Variants in RANGAP1 observed in about 807,000 individuals in gnomAD.
The protein encoded by RANGAP1 is Ran GTPase activating protein 1.
RANGAP1 carries 38 observed loss-of-function variants against 63.5 expected under a neutral mutation model. That is an observed-to-expected ratio of 0.60 (90% CI 0.46 to 0.78). RANGAP1 has a LOEUF of 0.78. RANGAP1 is among the 30% of genes least tolerant of loss of function. The pLI, the probability that RANGAP1 is intolerant of heterozygous loss-of-function variation, is 0.00. For missense variants in RANGAP1, 630 were observed against 740.3 expected, an observed-to-expected ratio of 0.85 and a Z score of 1.73; for synonymous variants, 329 against 310.5, an observed-to-expected ratio of 1.06 and a Z score of -0.63.
At chr22:41,263,488 A>G (rs1366933034) in intron 5 of RANGAP1, among the ~76,000 whole-genome samples, 1 of 152,100 alleles carries the variant, frequency 6.6e-6, no homozygotes, top group Non-Finnish European at 1.5e-5. Flanking sequence ...GGGTTCGAGC[A>G]ATTCTCCTGC....
chr22:41,269,871 G>A (rs9680721), intron 3 of RANGAP1, among the ~76,000 whole-genome samples: 3 of 151,742 alleles, frequency 2.0e-5, no homozygotes, highest in Admixed American at 2.0e-4. Flanking sequence ...TCACCCTGTC[G>A]CACCCAGGCT....
the RANGAP1 span, among the ~76,000 whole-genome samples, chr22:41,294,390 C>T: frequency 6.6e-6 from 1 of 152,100 alleles, no homozygotes; most frequent in Non-Finnish European, 1.5e-5. Context: ...GTGGCGTGAT[C>T]TCGGCTCGCT....
At chr22:41,256,431 C>A in intron 8 of RANGAP1, 141 bp from the exon 9 acceptor site, 1 of 783,048 alleles carries the variant, frequency 1.3e-6, no homozygotes, top group South Asian at 1.8e-5. Context: ...AAGAATAACA[C>A]CAACAACAAA....
chr22:41,263,604 C>T (rs1019034158), intron 5 of RANGAP1, among the ~76,000 whole-genome samples: 14 of 152,212 alleles, frequency 9.2e-5, no homozygotes, highest in African/African-American at 3.1e-4. Flanking sequence ...AGGCTGGTCT[C>T]GAACGCCTGA....
Position 41,246,224 on chromosome 22 carries a change from C to A in RANGAP1, c.*379G>T. 5.0e-6 allele frequency: 1 copy of A among 201,796 alleles called. No individual in the cohort carries two copies. Among genetic ancestry groups the A allele is most frequent in the Non-Finnish European group, 1.0e-5 (1 of 97,790 alleles). The allele number at this position is 201,796 out of a possible 1,614,324, so 12.5% of individuals were successfully genotyped here. ...GGCAACTCCCTGGGTTCTGGCTCCG[C>A]CAGGGAGCCGGGCCGGAAGGCAGGT... is the stretch of plus-strand genomic sequence containing the variant. On this transcript the variant is annotated 3_prime_UTR_variant, in exon 16 of 16. Transcript: ENST00000356244.
At chr22:41,254,015 T>C (rs947213501) in intron 11 of RANGAP1, among the ~76,000 whole-genome samples, 1 of 149,304 alleles carries the variant, frequency 6.7e-6, no homozygotes, top group Non-Finnish European at 1.5e-5. Context: ...GGCTGAGGCA[T>C]AAGAATCACT....
At chr22:41,277,189 T>C (rs889365355) in intron 2 of RANGAP1, among the ~76,000 whole-genome samples, 10 of 145,186 alleles carry the variant, frequency 6.9e-5, no homozygotes, top group Non-Finnish European at 1.2e-4. Context: ...GCCATTCTCC[T>C]GCCTCAGCCT....
chr22:41,281,280 AG>A lies in RANGAP1; in HGVS notation c.-38-199del, dbSNP rs1015000397. ...AAGGTGCAGGAGGTAGTAAAAGAAC[AG>A]AAAAATCATGTCTTAGCCTATAAGA... On this transcript the variant is annotated intron_variant, in intron 1 of 15. Transcript: ENST00000356244. The A allele has an allele frequency of 4.0e-5, 32 of 797,710 alleles. No individual in the cohort carries two copies. The African/African-American group carries it at 5.0e-4, about 13-fold the overall frequency. 49.4% of individuals were successfully genotyped at this position (797,710 alleles called of 1,614,324 possible).
chr22:41,287,687 A>G (rs943359022), upstream of RANGAP1, among the ~76,000 whole-genome samples: 4 of 151,706 alleles, frequency 2.6e-5, no homozygotes, highest in Non-Finnish European at 4.4e-5. Flanking sequence ...AAAAAAAAAA[A>G]GTTAAACAGA....
chr22:41,249,965 C>T (rs947167296), intron 13 of RANGAP1, 148 bp from the exon 14 acceptor site: 2 of 682,992 alleles, frequency 2.9e-6, no homozygotes, highest in African/African-American at 3.5e-5. Context: ...ACGGCAGAGA[C>T]ACAGGAACCA....
the RANGAP1 span, among the ~76,000 whole-genome samples, chr22:41,299,889 C>T: frequency 0.022 from 3,299 of 152,110 alleles, 93 homozygotes; most frequent in African/African-American, 0.075. Flanking sequence ...GTAGCTGGGA[C>T]TACAGGCTCC....
chr22:41,301,062 G>A, the RANGAP1 span, among the ~76,000 whole-genome samples: 1 of 152,158 alleles, frequency 6.6e-6, no homozygotes, highest in African/African-American at 2.4e-5. Context: ...AGTCGGCCTT[G>A]TAGTCTTTAA....
chr22:41,288,608 C>T (rs551210700), upstream of RANGAP1, among the ~76,000 whole-genome samples: 19 of 152,304 alleles, frequency 1.2e-4, no homozygotes, highest in African/African-American at 4.6e-4. Context: ...TTCCTTGGCC[C>T]TCACACAGAG....
chr22:41,286,319 T>C (rs1276994888), upstream of RANGAP1: 1 of 152,280 alleles, frequency 6.6e-6, no homozygotes, highest in Non-Finnish European at 1.5e-5. Flanking sequence ...CGGTTCCCCA[T>C]CTGGGAGCGC....
intron 12 of RANGAP1, 100 bp from the exon 13 acceptor site, chr22:41,251,209 T>C: frequency 1.1e-6 from 1 of 891,746 alleles, no homozygotes. Context: ...CAAAGGCCCC[T>C]GGCGGGCAAG....
At position 41,249,469 on chromosome 22, in the gene RANGAP1, A is replaced by C; in HGVS notation, c.1573-18T>G. ...TCTTCACTCTGAGAGGAACACAGCG[A>C]AAAGCGGGGTGAGCTTCAAAGTCAC... On this transcript the variant is annotated intron_variant, in intron 14 of 15. Transcript: ENST00000356244. 6.2e-7 allele frequency: 1 copy of C among 1,605,042 alleles called. No individual in the cohort carries two copies. The highest frequency in any genetic ancestry group is 8.5e-7 in the Non-Finnish European group (1 of 1,178,090).
intron 10 of RANGAP1, 44 bp downstream of exon 10, chr22:41,255,977 G>T: frequency 6.4e-7 from 1 of 1,555,924 alleles, no homozygotes. Context: ...AGAAAGAAAG[G>T]AATGGCCTGA....
At chr22:41,301,528 A>T in the RANGAP1 span, 1 of 152,016 alleles carries the variant, frequency 6.6e-6, no homozygotes, top group South Asian at 2.1e-4. Flanking sequence ...CTGCAGGGAG[A>T]CAGTGCCTCC....
chr22:41,278,258 G>C (rs2035275518), intron 2 of RANGAP1, among the ~76,000 whole-genome samples: 1 of 151,964 alleles, frequency 6.6e-6, no homozygotes, highest in South Asian at 2.1e-4. Context: ...AGGCTGGTCT[G>C]GAATTCCTGA....
Sources: allele counts gnomAD v4.1 joint callset (sites outside exome capture counted in the v4.1 genomes callset), GRCh38; gene constraint gnomAD v4.1.1; transcripts MANE v1.5; gene names NCBI Gene and HGNC (gene_info 2026-07-23, HGNC 2026-07-21).